The following RALYL variants were observed in gnomAD, a reference collection of about 807,000 sequenced individuals.
RALYL encodes RNA-binding Raly-like protein.
In RALYL, 29 loss-of-function variants were observed where a neutral mutation model predicts 35.1. The ratio of observed to expected loss-of-function variants is 0.83; its 90% CI spans 0.61 to 1.13. The LOEUF (loss-of-function observed/expected upper bound fraction) is 1.13. RALYL is among the 50% of genes most tolerant of loss of function. RALYL has a pLI of 0.00. For missense variants in RALYL, 359 were observed against 360.4 expected (o/e 1.00, Z 0.03); for synonymous variants, 120 against 127.6 (o/e 0.94, Z 0.40).
chr8:84,253,913 A>G (rs1426918343), intron 1 of RALYL, among the ~76,000 whole-genome samples: 1 of 152,138 alleles, frequency 6.6e-6, no homozygotes, highest in Non-Finnish European at 1.5e-5. Context: ...TCTCCACTTC[A>G]GCTCAATCCA....
chr8:84,614,585 C>A (rs751394634), intron 2 of RALYL, among the ~76,000 whole-genome samples: 4 of 151,526 alleles, frequency 2.6e-5, no homozygotes, highest in Non-Finnish European at 4.4e-5. Context: ...TGGAAAGAAC[C>A]TTAGAAGTGA....
intron 1 of RALYL, among the ~76,000 whole-genome samples, chr8:84,279,104 A>G (rs939817912): frequency 8.5e-5 from 13 of 152,192 alleles, no homozygotes; most frequent in Non-Finnish European, 1.5e-4. Context: ...AAGCAAAAGC[A>G]TGGCTTACAT....
intron 4 of RALYL, among the ~76,000 whole-genome samples, chr8:84,808,420 T>C (rs936624981): frequency 1.3e-5 from 2 of 152,212 alleles, no homozygotes; most frequent in African/African-American, 4.8e-5. Flanking sequence ...TGTAATATAG[T>C]GTGAAATCAG....
At chr8:84,528,272 T>A (rs1468458522) in intron 1 of RALYL, among the ~76,000 whole-genome samples, 1 of 152,038 alleles carries the variant, frequency 6.6e-6, no homozygotes, top group African/African-American at 2.4e-5. Context: ...GCCTTAATGG[T>A]GTCTATAAAT....
At chr8:84,711,773 T>G (rs2132480368) in intron 2 of RALYL, among the ~76,000 whole-genome samples, 1 of 152,312 alleles carries the variant, frequency 6.6e-6, no homozygotes, top group East Asian at 1.9e-4. Context: ...TGTTGTGTTT[T>G]ATAGAAGTCT....
chr8:84,498,533 C>A (rs1273700603), intron 1 of RALYL, among the ~76,000 whole-genome samples: 1 of 152,018 alleles, frequency 6.6e-6, no homozygotes, highest in Non-Finnish European at 1.5e-5. Flanking sequence ...TAGCTAGATG[C>A]ACTTCTAACC....
intron 2 of RALYL, among the ~76,000 whole-genome samples, chr8:84,543,510 A>G (rs543971422): frequency 1.3e-5 from 2 of 152,174 alleles, no homozygotes; most frequent in South Asian, 4.1e-4. Flanking sequence ...AAAATAAAAA[A>G]AAACAACTTA....
At chr8:84,344,414 A>G (rs1407908813) in intron 1 of RALYL, among the ~76,000 whole-genome samples, 1 of 152,120 alleles carries the variant, frequency 6.6e-6, no homozygotes, top group African/African-American at 2.4e-5. Context: ...GGGCAGCGAC[A>G]TAAGTGAATA....
chr8:84,395,592 T>A (rs1413465865), intron 1 of RALYL, among the ~76,000 whole-genome samples: 1 of 151,946 alleles, frequency 6.6e-6, no homozygotes, highest in Non-Finnish European at 1.5e-5. Context: ...TAACATTTTG[T>A]TGTTTTCTAT....
intron 1 of RALYL, among the ~76,000 whole-genome samples, chr8:84,470,270 C>A (rs1002056900): frequency 3.3e-4 from 50 of 152,112 alleles, no homozygotes; most frequent in African/African-American, 1.2e-3. Context: ...AATGATTATT[C>A]TCTTAAGGCC....
At chr8:84,612,121 G>T (rs1374469527) in intron 2 of RALYL, among the ~76,000 whole-genome samples, 1 of 151,896 alleles carries the variant, frequency 6.6e-6, no homozygotes, top group Admixed American at 6.6e-5. Context: ...TGAATTGTTT[G>T]CTATGTAGAA....
At chr8:84,727,885 C>T (rs1409977882) in intron 2 of RALYL, among the ~76,000 whole-genome samples, 41 of 152,088 alleles carry the variant, frequency 2.7e-4, no homozygotes, top group South Asian at 1.5e-3. Flanking sequence ...GTTGGACATT[C>T]GGGTTGGTTC....
chr8:84,691,627 C>G (rs1039363913), intron 2 of RALYL, among the ~76,000 whole-genome samples: 7 of 151,920 alleles, frequency 4.6e-5, no homozygotes, highest in Admixed American at 6.6e-5. Flanking sequence ...CTTCCTCCCC[C>G]CTCCCCTCAT....
intron 2 of RALYL, among the ~76,000 whole-genome samples, chr8:84,698,733 A>G (rs1839628212): frequency 6.6e-6 from 1 of 152,138 alleles, no homozygotes; most frequent in African/African-American, 2.4e-5. Flanking sequence ...AGATAGAATC[A>G]GCCAGGAAAA....
intron 1 of RALYL, among the ~76,000 whole-genome samples, chr8:84,468,831 C>A (rs28863216): frequency 6.6e-6 from 1 of 152,158 alleles, no homozygotes; most frequent in Admixed American, 6.6e-5. Context: ...TTCCTGGAGG[C>A]TTTGCTCATT....
chr8:84,855,794 A>G (rs773012540), intron 5 of RALYL, among the ~76,000 whole-genome samples: 1 of 152,200 alleles, frequency 6.6e-6, no homozygotes, highest in Non-Finnish European at 1.5e-5. Context: ...TCAGTTTATA[A>G]TTTCCAGTGA....
intron 1 of RALYL, among the ~76,000 whole-genome samples, chr8:84,394,957 A>G (rs1861469112): frequency 2.0e-5 from 3 of 151,908 alleles, no homozygotes; most frequent in Admixed American, 2.0e-4. Flanking sequence ...TTAATATTAA[A>G]CACAAAATAT....
intron 1 of RALYL, among the ~76,000 whole-genome samples, chr8:84,248,076 G>A (rs763616372): frequency 1.4e-4 from 21 of 151,988 alleles, no homozygotes; most frequent in Admixed American, 1.3e-3. Context: ...AATAAGGTAC[G>A]TACAGCTTAT....
intron 2 of RALYL, among the ~76,000 whole-genome samples, chr8:84,730,008 G>C (rs528915058): frequency 1.3e-5 from 2 of 152,148 alleles, no homozygotes; most frequent in Non-Finnish European, 2.9e-5. Context: ...AATAGAAAAA[G>C]AGGGAATCTT....
Sources: allele counts gnomAD v4.1 joint callset (sites outside exome capture counted in the v4.1 genomes callset), GRCh38; gene constraint gnomAD v4.1.1; transcripts MANE v1.5; gene names NCBI Gene and HGNC (gene_info 2026-07-23, HGNC 2026-07-21).